Variants in RASEF observed in about 807,000 individuals in gnomAD.
RASEF encodes the protein ras and EF-hand domain-containing protein.
Under a neutral mutation model 90.1 loss-of-function variants are expected in RASEF, and 68 were observed. That is an observed-to-expected ratio of 0.75 (90% CI 0.62 to 0.92). The LOEUF is 0.92. RASEF is among the 40% of genes least tolerant of loss of function. The pLI is 0.00. For missense variants in RASEF, 949 were observed against 937.2 expected, an observed-to-expected ratio of 1.01 and a Z score of -0.16; for synonymous variants, 331 against 345.2, an observed-to-expected ratio of 0.96 and a Z score of 0.46.
chr9:83,046,107 C>T (rs993664252), intron 1 of RASEF, among the ~76,000 whole-genome samples: 4 of 151,342 alleles, frequency 2.6e-5, no homozygotes, highest in Admixed American at 2.6e-4. Context: ...TTATTTTAAG[C>T]TCAGGGGTAC....
intron 8 of RASEF, among the ~76,000 whole-genome samples, chr9:83,005,030 G>A (rs1158031328): frequency 6.6e-6 from 1 of 152,144 alleles, no homozygotes; most frequent in East Asian, 1.9e-4. Flanking sequence ...GTCTGGGAGA[G>A]GTCCTTAAAG....
chr9:82,998,269 T>C (rs1828957881), intron 13 of RASEF, 96 bp downstream of exon 13: 7 of 682,248 alleles, frequency 1.0e-5, no homozygotes, highest in Middle Eastern at 2.5e-4. Context: ...AAGTATGTTA[T>C]AATTATAGAA....
At chr9:83,137,305 C>A in the RASEF span, among the ~76,000 whole-genome samples, 2 of 151,906 alleles carry the variant, frequency 1.3e-5, no homozygotes, top group African/African-American at 4.8e-5. Flanking sequence ...TGGACTGAAC[C>A]TGATAGTAGA....
rs182631836 is a variant in RASEF, at chr9:83,003,583, A to G, written c.1202+915T>C. On this transcript the variant is annotated intron_variant, in intron 9 of 16. Transcript: ENST00000376447. The stretch of plus-strand genomic sequence containing the variant: ...TCAGCCATCTATAAATCAAGCCATT[A>G]AATTTTTTTATTGAGCTAATCAGTG... Among the ~76,000 whole-genome samples the G allele has an allele frequency of 1.1e-4, 17 of 152,308 alleles. No individual in the cohort carries two copies. The East Asian group carries it at 3.3e-3, about 29-fold the overall frequency.
chr9:83,042,868 A>T (rs1029004271), intron 1 of RASEF, among the ~76,000 whole-genome samples: 2 of 152,112 alleles, frequency 1.3e-5, no homozygotes, highest in African/African-American at 4.8e-5. Flanking sequence ...CAGACAAAAG[A>T]CCCAGGAAGG....
chr9:83,195,671 C>G, the RASEF span, among the ~76,000 whole-genome samples: 1 of 151,964 alleles, frequency 6.6e-6, no homozygotes, highest in Non-Finnish European at 1.5e-5. Flanking sequence ...GTAAGTGATA[C>G]ATATCTATTT....
the RASEF span, among the ~76,000 whole-genome samples, chr9:83,110,041 A>G: frequency 6.6e-6 from 1 of 152,190 alleles, no homozygotes; most frequent in East Asian, 1.9e-4. Context: ...AAAACATTTT[A>G]TTACTTAAAC....
the RASEF span, among the ~76,000 whole-genome samples, chr9:83,083,868 A>G: frequency 6.6e-6 from 1 of 152,172 alleles, no homozygotes; most frequent in African/African-American, 2.4e-5. Flanking sequence ...CTTTTGAACT[A>G]GTAATTCTAT....
chr9:83,043,656 G>A (rs745368312), intron 1 of RASEF, among the ~76,000 whole-genome samples: 2 of 152,106 alleles, frequency 1.3e-5, no homozygotes, highest in Non-Finnish European at 2.9e-5. Flanking sequence ...ATAACCAGAA[G>A]CACCCCCAGG....
At chr9:83,190,295 T>C in the RASEF span, among the ~76,000 whole-genome samples, 1 of 152,170 alleles carries the variant, frequency 6.6e-6, no homozygotes. Flanking sequence ...CTCTTTAAAA[T>C]AGCAGGGAAA....
At chr9:83,211,933 G>A in the RASEF span, among the ~76,000 whole-genome samples, 2 of 152,140 alleles carry the variant, frequency 1.3e-5, no homozygotes, top group Non-Finnish European at 2.9e-5. Flanking sequence ...CCCATTGTCA[G>A]GAAATTGTAC....
the RASEF span, among the ~76,000 whole-genome samples, chr9:83,094,477 A>G: frequency 6.6e-6 from 1 of 152,106 alleles, no homozygotes; most frequent in African/African-American, 2.4e-5. Flanking sequence ...GGATTGATTT[A>G]TATTTCTATT....
chr9:83,142,957 G>A, the RASEF span, among the ~76,000 whole-genome samples: 12 of 152,110 alleles, frequency 7.9e-5, no homozygotes, highest in Non-Finnish European at 1.3e-4. Context: ...ATGGGATCCC[G>A]AGTGAAAGTT....
intron 9 of RASEF, among the ~76,000 whole-genome samples, chr9:83,004,058 A>G (rs1829085529): frequency 6.6e-6 from 1 of 152,200 alleles, no homozygotes; most frequent in African/African-American, 2.4e-5. Flanking sequence ...TACTAGTGAT[A>G]TTTATATTTG....
the RASEF span, among the ~76,000 whole-genome samples, chr9:83,168,106 C>T: frequency 6.6e-6 from 1 of 152,104 alleles, no homozygotes. Context: ...AAAGAAGGGG[C>T]ACCAGAATTC....
the RASEF span, among the ~76,000 whole-genome samples, chr9:83,204,030 T>C: frequency 6.6e-6 from 1 of 152,156 alleles, no homozygotes; most frequent in Non-Finnish European, 1.5e-5. Context: ...AGCATCTGAT[T>C]GCTTAAGGGG....
At chr9:83,144,400 G>GAAAGAA in the RASEF span, among the ~76,000 whole-genome samples, 1 of 104,342 alleles carries the variant, frequency 9.6e-6, no homozygotes, top group African/African-American at 3.9e-5. Context: ...AGGAAAGAAA[G>GAAAGAA]AAAGAAAGAA....
chr9:83,195,405 G>A, the RASEF span, among the ~76,000 whole-genome samples: 3 of 152,248 alleles, frequency 2.0e-5, no homozygotes, highest in African/African-American at 7.2e-5. Flanking sequence ...GCTGACAATC[G>A]GGTGGGAAAG....
At chr9:83,137,908 A>C in the RASEF span, among the ~76,000 whole-genome samples, 1 of 152,198 alleles carries the variant, frequency 6.6e-6, no homozygotes, top group South Asian at 2.1e-4. Context: ...TTAAAGAGAA[A>C]GATAAAAGGT....
Sources: gnomAD v4.1 joint callset for allele counts (sites outside exome capture counted in the v4.1 genomes callset) on GRCh38, gnomAD v4.1.1 for gene constraint, MANE v1.5 for transcripts, NCBI Gene and HGNC (gene_info 2026-07-23, HGNC 2026-07-21) for gene names.